Variants in PHACTR3 observed in about 807,000 individuals in gnomAD.
PHACTR3 encodes protein phosphatase 1, regulatory subunit 123.
Under a neutral mutation model 66.8 loss-of-function variants are expected in PHACTR3, and 16 were observed. The observed-to-expected ratio is 0.24, with a 90% CI of 0.16 to 0.36. PHACTR3 has a LOEUF of 0.36. PHACTR3 is among the 10% of genes least tolerant of loss of function. The pLI is 1.00. For synonymous variants in PHACTR3, 323 were observed against 292.1 expected (o/e 1.11, Z -1.08); for missense variants, 647 against 719.9 (o/e 0.90, Z 1.16).
chr20:59,700,301 A>G (rs1172666504), intron 1 of PHACTR3, among the ~76,000 whole-genome samples: 1 of 152,230 alleles, frequency 6.6e-6, no homozygotes, highest in Non-Finnish European at 1.5e-5. Flanking sequence ...GTTGTTTCCA[A>G]ACATTCATCG....
At chr20:59,590,319 G>A (rs966613769) in intron 1 of PHACTR3, among the ~76,000 whole-genome samples, 1 of 152,132 alleles carries the variant, frequency 6.6e-6, no homozygotes, top group Non-Finnish European at 1.5e-5. Context: ...CCACTTGATC[G>A]GCCTCATGCA....
At chr20:59,647,476 G>A (rs1037358281) in intron 1 of PHACTR3, among the ~76,000 whole-genome samples, 1 of 152,170 alleles carries the variant, frequency 6.6e-6, no homozygotes, top group Admixed American at 6.5e-5. Context: ...GGAGGGTGGT[G>A]CAGGGCAGCA....
At chr20:59,594,967 C>A (rs895090644) in intron 1 of PHACTR3, among the ~76,000 whole-genome samples, 1 of 152,138 alleles carries the variant, frequency 6.6e-6, no homozygotes, top group Non-Finnish European at 1.5e-5. Flanking sequence ...ACAGCACCCA[C>A]GAATTTTGAT....
intron 1 of PHACTR3, among the ~76,000 whole-genome samples, chr20:59,652,961 C>T (rs2035503417): frequency 1.3e-5 from 2 of 151,982 alleles, no homozygotes; most frequent in African/African-American, 4.8e-5. Context: ...GAGTAAAAAG[C>T]GAGCACTAAC....
At chr20:59,715,927 C>A (rs1008800031) in intron 1 of PHACTR3, among the ~76,000 whole-genome samples, 3 of 152,306 alleles carry the variant, frequency 2.0e-5, no homozygotes, top group Admixed American at 6.5e-5. Flanking sequence ...CCAGACACTG[C>A]AGCAGTTAAG....
intron 1 of PHACTR3, among the ~76,000 whole-genome samples, chr20:59,582,723 C>T (rs1432071824): frequency 6.6e-6 from 1 of 152,140 alleles, no homozygotes; most frequent in African/African-American, 2.4e-5. Flanking sequence ...CTGAGCGTTG[C>T]CTCTTCATTT....
intron 4 of PHACTR3, among the ~76,000 whole-genome samples, chr20:59,759,106 A>G (rs1235630557): frequency 1.3e-5 from 2 of 152,136 alleles, no homozygotes; most frequent in Non-Finnish European, 2.9e-5. Flanking sequence ...ATGCTCCCAG[A>G]GAGGCCATCT....
chr20:59,844,062 A>T (rs1462220760), intron 11 of PHACTR3: 1 of 152,148 alleles, frequency 6.6e-6, no homozygotes, highest in Non-Finnish European at 1.5e-5. Context: ...CAACAGGTAT[A>T]TGGAAAAAAT....
At chr20:59,823,462 C>T (rs1280347979) in intron 8 of PHACTR3, among the ~76,000 whole-genome samples, 2 of 152,210 alleles carry the variant, frequency 1.3e-5, no homozygotes, top group African/African-American at 2.4e-5. Flanking sequence ...AAGAAGAGAT[C>T]ATAAGCATGA....
chr20:59,803,196 A>T (rs1230764300), intron 7 of PHACTR3, among the ~76,000 whole-genome samples: 1 of 152,240 alleles, frequency 6.6e-6, no homozygotes, highest in Non-Finnish European at 1.5e-5. Flanking sequence ...TGCAGAGTTG[A>T]AGAATGGGGC....
intron 8 of PHACTR3, among the ~76,000 whole-genome samples, chr20:59,832,645 C>T (rs758302514): frequency 5.3e-5 from 8 of 152,148 alleles, no homozygotes; most frequent in Non-Finnish European, 8.8e-5. Flanking sequence ...TGCTTTAAAT[C>T]CTTCAGTGCC....
intron 1 of PHACTR3, among the ~76,000 whole-genome samples, chr20:59,704,168 AAATGACC>A (rs1467896929): frequency 6.6e-6 from 1 of 152,128 alleles, no homozygotes. Flanking sequence ...GCAAGGAATA[AAATGACC>A]CATCTTTTTA....
At chr20:59,586,942 C>T (rs2033047724) in intron 1 of PHACTR3, among the ~76,000 whole-genome samples, 1 of 152,226 alleles carries the variant, frequency 6.6e-6, no homozygotes, top group African/African-American at 2.4e-5. Flanking sequence ...GATCCTGTCT[C>T]TCATGAACCT....
In PHACTR3 at chr20:59,744,682, A is replaced by T. The variant is rs78000411; in HGVS notation, c.280+1414A>T. On this transcript the variant is annotated intron_variant, in intron 2 of 12. Coordinates refer to ENST00000371015, the MANE Select transcript of PHACTR3 (RefSeq NM_080672.5). The stretch of plus-strand genomic sequence containing the variant: ...TGTGCTTTACAAAATTATTATTATT[A>T]TTTTTACCAACCAAGAAGTTGATAG... Among the ~76,000 whole-genome samples the T allele has an allele frequency of 5.8e-3, 877 of 152,242 alleles. 9 individuals are homozygous for T. Among genetic ancestry groups the T allele is most frequent in the African/African-American group, 0.02 (810 of 41,528 alleles).
chr20:59,793,012 GTAGCCGAGACTA>G (rs1206715795), intron 7 of PHACTR3, among the ~76,000 whole-genome samples: 2 of 152,094 alleles, frequency 1.3e-5, no homozygotes, highest in African/African-American at 4.8e-5. Flanking sequence ...GGCTTTCTGA[GTAGCCGAGACTA>G]TAGACATGTA....
intron 1 of PHACTR3, among the ~76,000 whole-genome samples, chr20:59,635,084 T>C (rs1244819703): frequency 6.9e-6 from 1 of 144,976 alleles, no homozygotes; most frequent in Non-Finnish European, 1.5e-5. Flanking sequence ...TGTTCTTTTT[T>C]CTTTCTTTCT....
intron 1 of PHACTR3, among the ~76,000 whole-genome samples, chr20:59,584,332 G>A (rs777399631): frequency 6.6e-6 from 1 of 151,304 alleles, no homozygotes; most frequent in Admixed American, 6.6e-5. Flanking sequence ...GTGTGAAGCT[G>A]TGATGAGTGC....
intron 1 of PHACTR3, among the ~76,000 whole-genome samples, chr20:59,605,854 GAGGT>G (rs1568929005): frequency 7.4e-5 from 9 of 121,452 alleles, no homozygotes; most frequent in African/African-American, 2.4e-4. Flanking sequence ...AGCGGGGGGG[GAGGT>G]GGGGGGGGGG....
chr20:59,666,662 G>C (rs1270245915), intron 1 of PHACTR3, among the ~76,000 whole-genome samples: 1 of 152,166 alleles, frequency 6.6e-6, no homozygotes, highest in African/African-American at 2.4e-5. Flanking sequence ...CAGAGAGATA[G>C]AGAAACAGGG....
Sources: allele counts gnomAD v4.1 joint callset (sites outside exome capture counted in the v4.1 genomes callset), GRCh38; gene constraint gnomAD v4.1.1; transcripts MANE v1.5; gene names NCBI Gene and HGNC (gene_info 2026-07-23, HGNC 2026-07-21).